PPP2R5C: variants seen among roughly 807,000 people sequenced by gnomAD.
PPP2R5C encodes the protein protein phosphatase 2 regulatory subunit B'gamma.
In PPP2R5C, 7 loss-of-function variants were observed where a neutral mutation model predicts 68.9. That is an observed-to-expected ratio of 0.10 (90% CI 0.06 to 0.19). The LOEUF (loss-of-function observed/expected upper bound fraction) is 0.19, where lower values mean the gene tolerates loss of function less well. PPP2R5C is among the 10% of genes least tolerant of loss of function. The probability of loss-of-function intolerance (pLI) is 1.00; values close to 1 mark genes in which losing one functional copy is unlikely to be tolerated. For missense variants in PPP2R5C, 348 were observed against 641.3 expected (o/e 0.54, Z 4.94); for synonymous variants, 210 against 222.2 (o/e 0.95, Z 0.49).
chr14:101,839,876 G>C (rs914187941), intron 1 of PPP2R5C, among the ~76,000 whole-genome samples: 1 of 152,174 alleles, frequency 6.6e-6, no homozygotes, highest in African/African-American at 2.4e-5. Context: ...GCTCTCAGTG[G>C]TGCGCTCGTC....
intron 3 of PPP2R5C, among the ~76,000 whole-genome samples, chr14:101,802,060 G>T (rs2140142400): frequency 6.6e-6 from 1 of 152,314 alleles, no homozygotes; most frequent in East Asian, 1.9e-4. Flanking sequence ...ATTCAATGGG[G>T]AAAACACAGT....
At chr14:101,905,801 G>C (rs1275409318) in intron 9 of PPP2R5C, among the ~76,000 whole-genome samples, 1 of 152,022 alleles carries the variant, frequency 6.6e-6, no homozygotes, top group African/African-American at 2.4e-5. Context: ...AGCCAGCCCC[G>C]TGCTGACAAC....
At chr14:101,828,504 A>G (rs1235175012) in intron 1 of PPP2R5C, among the ~76,000 whole-genome samples, 1 of 152,130 alleles carries the variant, frequency 6.6e-6, no homozygotes, top group Non-Finnish European at 1.5e-5. Context: ...CATCAAGGCA[A>G]GGATACTCTG....
At position 101,876,736 on chromosome 14, in the gene PPP2R5C, G is replaced by A. The variant is rs190773550; in HGVS notation, c.295-5425G>A. On this transcript the variant is annotated intron_variant, in intron 2 of 13. Coordinates refer to ENST00000334743, the Ensembl canonical transcript of PPP2R5C. ...AGACGGTCCTGGCACAGATGGGGCCGTGTGAATCACATGCAGACATACGTA... is the reference window on the plus strand; with the variant it reads ...AGACGGTCCTGGCACAGATGGGGCCATGTGAATCACATGCAGACATACGTA... Among the ~76,000 whole-genome samples, 13 of 152,296 alleles carry A rather than the reference G, an allele frequency of 8.5e-5. No homozygotes were observed. The East Asian group carries it at 9.6e-4, about 11-fold the overall frequency.
At chr14:101,901,083 T>C (rs1003738932) in intron 8 of PPP2R5C, among the ~76,000 whole-genome samples, 1 of 152,252 alleles carries the variant, frequency 6.6e-6, no homozygotes, top group African/African-American at 2.4e-5. Flanking sequence ...CATACAGAAG[T>C]ATGTGTGTTT....
At chr14:101,768,698 C>A (rs2036987315) in intron 2 of PPP2R5C, among the ~76,000 whole-genome samples, 2 of 152,072 alleles carry the variant, frequency 1.3e-5, no homozygotes, top group Admixed American at 1.3e-4. Flanking sequence ...TTCATGTTAT[C>A]ATAAAAACCG....
intron 1 of PPP2R5C, among the ~76,000 whole-genome samples, chr14:101,840,688 T>C (rs2041412297): frequency 6.6e-6 from 1 of 152,098 alleles, no homozygotes; most frequent in Non-Finnish European, 1.5e-5. Flanking sequence ...TTCAGCCTCT[T>C]TCAACCAACA....
chr14:101,876,421 T>G (rs1230108214), intron 2 of PPP2R5C, among the ~76,000 whole-genome samples: 1 of 152,208 alleles, frequency 6.6e-6, no homozygotes, highest in African/African-American at 2.4e-5. Context: ...CAGCGGTTTT[T>G]TTTTTTAATG....
chr14:101,869,790 G>A (rs2043278872), intron 2 of PPP2R5C, among the ~76,000 whole-genome samples: 4 of 151,988 alleles, frequency 2.6e-5, no homozygotes, highest in South Asian at 4.2e-4. Context: ...GAGTAGCTGG[G>A]ACTGCAAGCG....
rs192797975 is a variant in PPP2R5C at position 101,823,731 on chromosome 14, G to T, written c.94+13695G>T. The T allele has an allele frequency of 3.6e-4, 370 of 1,037,500 alleles. 1 individual carries two copies. The highest frequency in any genetic ancestry group is 4.2e-4 in the Non-Finnish European group (356 of 855,218). The allele number at this position is 1,037,500 out of a possible 1,614,324, so 64.3% of individuals were successfully genotyped here. On this transcript the variant is annotated intron_variant, in intron 1 of 13. Transcript: ENST00000334743. ...AGACCAGATACCGGACCAGCACTTG[G>T]GTTTTCTGACTCACGGTTCTGGGCT... is the stretch of plus-strand genomic sequence containing the variant.
chr14:101,863,160 T>C (rs991830895), intron 2 of PPP2R5C, among the ~76,000 whole-genome samples: 1 of 151,926 alleles, frequency 6.6e-6, no homozygotes, highest in African/African-American at 2.4e-5. Context: ...ATACAAAAAT[T>C]AGCTGGGTTT....
upstream of PPP2R5C, chr14:101,760,655 G>A (rs1201147875): frequency 4.2e-6 from 4 of 946,426 alleles, 1 homozygote; most frequent in Admixed American, 2.0e-4. Flanking sequence ...TGCGGAGGGC[G>A]GGACCAACCA....
At chr14:101,761,565 A>T (rs1400861744), upstream of PPP2R5C, among the ~76,000 whole-genome samples, 2 of 125,020 alleles carry the variant, frequency 1.6e-5, no homozygotes, top group African/African-American at 6.0e-5. Context: ...TGTTGAGTGC[A>T]GCGGGGCGGG....
chr14:101,850,406 G>A (rs2042086251), intron 1 of PPP2R5C, among the ~76,000 whole-genome samples: 1 of 152,138 alleles, frequency 6.6e-6, no homozygotes, highest in South Asian at 2.1e-4. Flanking sequence ...AAATACCTAA[G>A]AATAAAATCT....
intron 5 of PPP2R5C, among the ~76,000 whole-genome samples, chr14:101,889,302 A>G (rs2044706374): frequency 6.6e-6 from 1 of 152,150 alleles, no homozygotes. Context: ...CATGCAGGAT[A>G]CCCCTCGTGG....
intron 13 of PPP2R5C, among the ~76,000 whole-genome samples, chr14:101,922,739 G>A (rs958953340): frequency 6.6e-6 from 1 of 151,444 alleles, no homozygotes; most frequent in Non-Finnish European, 1.5e-5. Context: ...GATCCCTGAA[G>A]CCCAGGAGTT....
intron 13 of PPP2R5C, among the ~76,000 whole-genome samples, chr14:101,924,763 G>A (rs2047207733): frequency 6.6e-6 from 1 of 152,002 alleles, no homozygotes; most frequent in Admixed American, 6.6e-5. Flanking sequence ...TTCTTGAAAT[G>A]CTTCTGTAGG....
chr14:101,918,383 T>G, intron 13 of PPP2R5C, among the ~76,000 whole-genome samples: 1 of 68,698 alleles, frequency 1.5e-5, no homozygotes, highest in East Asian at 4.7e-4. Flanking sequence ...CCTCCCCCTG[T>G]CCCCTCACCC....
chr14:101,776,029 C>A (rs539382054), intron 2 of PPP2R5C, among the ~76,000 whole-genome samples: 30 of 149,318 alleles, frequency 2.0e-4, no homozygotes, highest in African/African-American at 6.7e-4. Context: ...TGTGCCCCCC[C>A]CCCACTCCAC....
Sources: gnomAD v4.1 joint callset for allele counts (sites outside exome capture counted in the v4.1 genomes callset) on GRCh38, gnomAD v4.1.1 for gene constraint, MANE v1.5 for transcripts, NCBI Gene and HGNC (gene_info 2026-07-23, HGNC 2026-07-21) for gene names.